Variants in TRPC5OS observed in about 807,000 individuals in gnomAD.
TRPC5OS encodes the protein TRPC5 opposite strand, also known as putative uncharacterized protein TRPC5OS.
For missense variants in TRPC5OS, 64 were observed against 79.3 expected, an observed-to-expected ratio of 0.81 and a Z score of 0.73; for synonymous variants, 30 against 29.3, an observed-to-expected ratio of 1.02 and a Z score of -0.08.
chrX:111,885,353 T>C (rs780218433), intron 1 of TRPC5OS, among the ~76,000 whole-genome samples: 7 of 111,866 alleles, frequency 6.3e-5, no homozygotes, highest in Non-Finnish European at 1.3e-4. Context: ...GGCCTAAATC[T>C]AGTTAGGACC....
chrX:111,898,622 T>A (rs7892445), intron 3 of TRPC5OS, among the ~76,000 whole-genome samples: 18,385 of 109,948 alleles, frequency 0.17, 2,808 homozygotes, highest in African/African-American at 0.49. Flanking sequence ...AGAAAACAAA[T>A]CAGACAGATT....
At chrX:111,878,026 A>T (rs899033984) in intron 1 of TRPC5OS, among the ~76,000 whole-genome samples, 10 of 111,126 alleles carry the variant, frequency 9.0e-5, no homozygotes, top group African/African-American at 3.3e-4. Flanking sequence ...AGAGAGTGGG[A>T]AGTAAAGAAG....
intron 1 of TRPC5OS, among the ~76,000 whole-genome samples, chrX:111,890,581 G>A (rs907338387): frequency 9.0e-6 from 1 of 111,679 alleles, no homozygotes. Context: ...CAAACATTGT[G>A]TTCTTGCTGA....
chrX:111,889,969 T>C (rs1366913759), intron 1 of TRPC5OS, among the ~76,000 whole-genome samples: 4 of 111,230 alleles, frequency 3.6e-5, no homozygotes. Flanking sequence ...AATAATGAAA[T>C]GGTTGTCCTC....
chrX:111,899,530 G>A (rs1925237606), intron 3 of TRPC5OS, among the ~76,000 whole-genome samples: 1 of 110,968 alleles, frequency 9.0e-6, no homozygotes, highest in African/African-American at 3.3e-5. Context: ...ATCAAGAGGA[G>A]GAATAAAAGA....
At chrX:111,879,353 C>A (rs1039169008) in intron 1 of TRPC5OS, among the ~76,000 whole-genome samples, 1 of 112,065 alleles carries the variant, frequency 8.9e-6, no homozygotes. Context: ...CCCAATGGGG[C>A]CTGTGGTCCC....
chrX:111,877,940 G>C (rs963771966), intron 1 of TRPC5OS, among the ~76,000 whole-genome samples: 1 of 111,350 alleles, frequency 9.0e-6, no homozygotes, highest in African/African-American at 3.3e-5. Flanking sequence ...TAATATTTGA[G>C]GATAGATGAT....
rs1925458868 is a variant in TRPC5OS at position 111,903,448 on chromosome X, T to C, written c.*1263T>C. On this transcript the variant is annotated 3_prime_UTR_variant, in exon 4 of 4. Coordinates refer to ENST00000635763, the MANE Select transcript of TRPC5OS (RefSeq NM_001195578.2). ...CTAAACAGGTTTATGAACAAAGCCC[T>C]GTTTTTGTCTTCTGCAAATTAGCCA... 8.9e-6 allele frequency: 1 copy of C among 112,293 alleles called. No homozygotes were observed. The highest frequency in any genetic ancestry group is 3.2e-5 in the African/African-American group (1 of 30,960). The allele number at this position is 112,293 out of a possible 1,213,427, so 9.3% of individuals were successfully genotyped here.
chrX:111,897,828 C>T (rs772765793), intron 3 of TRPC5OS, among the ~76,000 whole-genome samples: 1 of 111,500 alleles, frequency 9.0e-6, no homozygotes, highest in Admixed American at 9.5e-5. Context: ...ATTATGCATA[C>T]AACTTCTATA....
intron 1 of TRPC5OS, among the ~76,000 whole-genome samples, chrX:111,881,694 T>G (rs1199416422): frequency 9.0e-6 from 1 of 110,999 alleles, no homozygotes; most frequent in Non-Finnish European, 1.9e-5. Context: ...GCAGTCTGTT[T>G]CCTGTCGCAG....
intron 2 of TRPC5OS, 26 bp downstream of exon 2, chrX:111,896,122 G>A: frequency 9.0e-6 from 1 of 110,886 alleles, no homozygotes; most frequent in Non-Finnish European, 1.9e-5. Context: ...CCTGCATTTT[G>A]GGCTTCTCAA....
chrX:111,884,123 C>T (rs1476790887), intron 1 of TRPC5OS, among the ~76,000 whole-genome samples: 1 of 112,437 alleles, frequency 8.9e-6, no homozygotes, highest in Non-Finnish European at 1.9e-5. Flanking sequence ...TAAGGTATAG[C>T]CAGGGCTTAC....
intron 3 of TRPC5OS, among the ~76,000 whole-genome samples, chrX:111,900,319 G>T: frequency 9.0e-6 from 1 of 111,410 alleles, no homozygotes; most frequent in Non-Finnish European, 1.9e-5. Flanking sequence ...GACTGGGACT[G>T]GAGAAAGGAA....
intron 3 of TRPC5OS, among the ~76,000 whole-genome samples, chrX:111,899,555 T>C (rs1484016038): frequency 9.0e-6 from 1 of 110,767 alleles, no homozygotes; most frequent in African/African-American, 3.3e-5. Flanking sequence ...CAGAGGAAGA[T>C]AGAGAAGCTG....
rs1347295231 is a variant in TRPC5OS at position 111,903,523 on chromosome X, G to C, written c.*1338G>C. 1 of 112,336 alleles carries C rather than the reference G, an allele frequency of 8.9e-6. No individual in the cohort carries two copies. The highest frequency in any genetic ancestry group is 3.2e-5 in the African/African-American group (1 of 30,914). 9.3% of individuals were successfully genotyped at this position (112,336 alleles called of 1,213,427 possible). ...CTGGTAGGCGATTGACATAAGTCATGTATCTGAAAGCTCAATTAGATGGAG... is the reference window on the plus strand; with the variant it reads ...CTGGTAGGCGATTGACATAAGTCATCTATCTGAAAGCTCAATTAGATGGAG... On this transcript the variant is annotated 3_prime_UTR_variant, in exon 4 of 4. Transcript: ENST00000635763.
intron 3 of TRPC5OS, among the ~76,000 whole-genome samples, chrX:111,899,408 A>C (rs1344211413): frequency 2.7e-5 from 3 of 111,668 alleles, no homozygotes; most frequent in Non-Finnish European, 5.7e-5. Context: ...ATTTTTTTCC[A>C]GTTTTAGGAG....
In TRPC5OS at chrX:111,901,751, A is replaced by G; in HGVS notation, c.-99A>G. On this transcript the variant is annotated 5_prime_UTR_variant, in exon 4 of 4. Transcript: ENST00000635763. ...TCCTAATTTCTGGCCTAAACCAACC[A>G]CAGAACCATTGTTAGCCCCTTATAC... is the stretch of plus-strand genomic sequence containing the variant. The G allele has an allele frequency of 3.0e-6, 2 of 674,468 alleles. No homozygotes were observed. Among genetic ancestry groups the G allele is most frequent in the Non-Finnish European group, 2.1e-6 (1 of 475,769 alleles). 55.6% of individuals were successfully genotyped at this position (674,468 alleles called of 1,213,427 possible). A position where few individuals can be genotyped will look rare whatever the true frequency, so the allele number is the denominator to read the frequency against.
chrX:111,894,081 GA>G (rs1009033752), intron 1 of TRPC5OS, among the ~76,000 whole-genome samples: 1 of 111,160 alleles, frequency 9.0e-6, no homozygotes, highest in Non-Finnish European at 1.9e-5. Context: ...GAACACTATG[GA>G]AAAAAATTTT....
chrX:111,901,949 G>A lies in TRPC5OS; in HGVS notation c.100G>A (p.Val34Ile). The A allele has an allele frequency of 8.7e-7, 1 of 1,154,513 alleles. No homozygotes were observed. The highest frequency in any genetic ancestry group is 1.8e-5 in the African/African-American group (1 of 56,261). Reference protein sequence around the residue: ...ADELLQFILQVQEVPYVEENG... With the variant: ...ADELLQFILQIQEVPYVEENG... ...TGAGCTTTTACAATTCATTCTACAA[G>A]TACAAGAAGTTCCTTATGTAGAAGA... The change falls in exon 4 of 4, where the codon GTA becomes ATA. Residue 34 changes from valine to isoleucine, a missense_variant. Coordinates refer to ENST00000635763, the MANE Select transcript of TRPC5OS (RefSeq NM_001195578.2).
Sources: allele counts gnomAD v4.1 joint callset (sites outside exome capture counted in the v4.1 genomes callset), GRCh38; gene constraint gnomAD v4.1.1; transcripts MANE v1.5; gene names NCBI Gene and HGNC (gene_info 2026-07-23, HGNC 2026-07-21).